MET: variants seen among roughly 807,000 people sequenced by gnomAD.
MET encodes the protein MET proto-oncogene, receptor tyrosine kinase, also known as hepatocyte growth factor receptor.
A neutral mutation model predicts 133.1 loss-of-function variants in MET; 48 were observed. That is an observed-to-expected ratio of 0.36 (90% CI 0.29 to 0.46). The LOEUF (loss-of-function observed/expected upper bound fraction) is 0.46. MET is among the 20% of genes least tolerant of loss of function. MET has a pLI of 1.00. For synonymous variants in MET, 628 were observed against 616.5 expected, an observed-to-expected ratio of 1.02 and a Z score of -0.28; for missense variants, 1,442 against 1,695.9, an observed-to-expected ratio of 0.85 and a Z score of 2.63.
At chr7:116,680,224 CTTAT>C (rs1276638136) in intron 1 of MET, among the ~76,000 whole-genome samples, 1 of 152,194 alleles carries the variant, frequency 6.6e-6, no homozygotes, top group African/African-American at 2.4e-5. Flanking sequence ...TCAGCACTGA[CTTAT>C]TTATACAGCT....
intron 2 of MET, among the ~76,000 whole-genome samples, chr7:116,702,805 G>A (rs997892243): frequency 6.6e-6 from 1 of 152,140 alleles, no homozygotes; most frequent in Non-Finnish European, 1.5e-5. Flanking sequence ...ACACATTGCT[G>A]AAAGAGGGAT....
At chr7:116,709,720 C>A (rs546137148) in intron 2 of MET, among the ~76,000 whole-genome samples, 2 of 152,204 alleles carry the variant, frequency 1.3e-5, no homozygotes, top group East Asian at 3.9e-4. Context: ...CGACCAGAAT[C>A]TTGAGTGTAA....
intron 19 of MET, among the ~76,000 whole-genome samples, chr7:116,785,659 T>C (rs1795290022): frequency 6.6e-6 from 1 of 152,046 alleles, no homozygotes; most frequent in Admixed American, 6.6e-5. Context: ...TCAATCATTC[T>C]CCAAGACAAC....
chr7:116,776,455 A>G (rs569786918), intron 15 of MET, among the ~76,000 whole-genome samples: 6 of 152,294 alleles, frequency 3.9e-5, no homozygotes, highest in African/African-American at 1.4e-4. Flanking sequence ...GAAAACTAGA[A>G]TTTTTTATCA....
chr7:116,683,035 A>C (rs1796419126), intron 1 of MET, among the ~76,000 whole-genome samples: 1 of 150,858 alleles, frequency 6.6e-6, no homozygotes, highest in Non-Finnish European at 1.5e-5. Flanking sequence ...CCACCTTACA[A>C]CTCTTCCCGT....
At chr7:116,720,761 T>C (rs1792451786) in intron 2 of MET, among the ~76,000 whole-genome samples, 1 of 132,072 alleles carries the variant, frequency 7.6e-6, no homozygotes, top group African/African-American at 2.9e-5. Context: ...TTTTTGTCTT[T>C]GGCTCTGTTT....
chr7:116,701,737 C>T (rs1791589553), intron 2 of MET, among the ~76,000 whole-genome samples: 1 of 151,890 alleles, frequency 6.6e-6, no homozygotes, highest in Non-Finnish European at 1.5e-5. Context: ...TGAAAGGAAA[C>T]AAAATGATTT....
At chr7:116,689,114 T>TGTAAATTTCAG (rs1228402271) in intron 1 of MET, among the ~76,000 whole-genome samples, 1 of 152,202 alleles carries the variant, frequency 6.6e-6, no homozygotes, top group East Asian at 1.9e-4. Flanking sequence ...AGAAATTTCA[T>TGTAAATTTCAG]GTAAATGACA....
chr7:116,750,791 A>T (rs1271922364), intron 5 of MET, among the ~76,000 whole-genome samples: 1 of 152,240 alleles, frequency 6.6e-6, no homozygotes, highest in Admixed American at 6.5e-5. Context: ...AAAAGAAGAC[A>T]TTTAGGTGGC....
chr7:116,762,581 T>C (rs558413610), intron 10 of MET, among the ~76,000 whole-genome samples: 4 of 152,298 alleles, frequency 2.6e-5, no homozygotes, highest in African/African-American at 9.6e-5. Context: ...ACATGGTAAA[T>C]AGCATTTTCA....
intron 10 of MET, 98 bp from the exon 11 acceptor site, chr7:116,762,952 T>G: frequency 9.6e-7 from 1 of 1,042,424 alleles, no homozygotes; most frequent in Non-Finnish European, 1.5e-6. Flanking sequence ...TTTCAAAAAT[T>G]ATATATTTTC....
At chr7:116,756,186 C>A (rs1044855801) in intron 6 of MET, among the ~76,000 whole-genome samples, 6 of 152,192 alleles carry the variant, frequency 3.9e-5, no homozygotes, top group African/African-American at 1.4e-4. Flanking sequence ...CAGCTCTGAT[C>A]ATCTTCTGAT....
rs149066899 is a variant in MET, at chr7:116,780,150, A to G, written c.3522+1193A>G. 6.2e-3 allele frequency among the ~76,000 whole-genome samples: 941 copies of G among 152,252 alleles called. 4 individuals are homozygous for G. Among genetic ancestry groups the G allele is most frequent in the Non-Finnish European group, 9.9e-3 (670 of 68,012 alleles). On this transcript the variant is annotated intron_variant, in intron 17 of 20. Coordinates refer to ENST00000397752, the MANE Select transcript of MET (RefSeq NM_000245.4). ...AAAAAAAGGTTCTTAGCCTCTTGCAAGTGGTAGATTTTTTTCTTGACATTT... is the reference window on the plus strand; with the variant it reads ...AAAAAAAGGTTCTTAGCCTCTTGCAGGTGGTAGATTTTTTTCTTGACATTT...
chr7:116,678,318 C>G (rs1200430980), intron 1 of MET, among the ~76,000 whole-genome samples: 1 of 152,072 alleles, frequency 6.6e-6, no homozygotes, highest in Non-Finnish European at 1.5e-5. Context: ...AGTGCACATA[C>G]AGTATACATA....
In MET at chr7:116,755,479, G is replaced by A. The variant is rs1554394973; in HGVS notation, c.1826G>A (p.Ser609Asn). ...ACTAGAGTTCTCCTTGGAAATGAGA[G>A]CTGCACCTTGACTTTAAGTGAGAGC... Reference protein sequence around the residue: ...KKTRVLLGNESCTLTLSESTM... With the variant: ...KKTRVLLGNENCTLTLSESTM... Residue 609 changes from serine to asparagine, a missense_variant, in exon 6 of 21, where the codon AGC (serine) becomes AAC (asparagine). Transcript: ENST00000397752. The A allele has an allele frequency of 1.2e-6, 2 of 1,614,140 alleles. No individual in the cohort carries two copies. The highest frequency in any genetic ancestry group is 1.7e-4 in the Middle Eastern group (1 of 6,060).
chr7:116,787,433 G>A (rs1584969618), intron 19 of MET, among the ~76,000 whole-genome samples: 1 of 149,860 alleles, frequency 6.7e-6, no homozygotes, highest in African/African-American at 2.4e-5. Flanking sequence ...TTGGCCCACA[G>A]TTCTGGAGGC....
intron 1 of MET, among the ~76,000 whole-genome samples, chr7:116,688,226 G>A (rs550082986): frequency 4.0e-5 from 6 of 151,528 alleles, no homozygotes; most frequent in African/African-American, 1.5e-4. Context: ...AAGGTTGATT[G>A]CCTCTTTTTT....
intron 2 of MET, among the ~76,000 whole-genome samples, chr7:116,723,300 A>T: frequency 6.9e-6 from 1 of 144,362 alleles, no homozygotes; most frequent in African/African-American, 2.6e-5. Context: ...TGCATTCTTC[A>T]CGTAGTTCTC....
intron 1 of MET, among the ~76,000 whole-genome samples, chr7:116,694,970 T>G (rs1796912712): frequency 1.3e-5 from 2 of 152,162 alleles, no homozygotes; most frequent in Admixed American, 1.3e-4. Flanking sequence ...CAGATTATTT[T>G]GAAGGCTCCT....
Sources: gnomAD v4.1 joint callset for allele counts (sites outside exome capture counted in the v4.1 genomes callset) on GRCh38, gnomAD v4.1.1 for gene constraint, MANE v1.5 for transcripts, NCBI Gene and HGNC (gene_info 2026-07-23, HGNC 2026-07-21) for gene names.